LITAF: variants seen among roughly 807,000 people sequenced by gnomAD.
LITAF encodes lipopolysaccharide induced TNF factor.
Under a neutral mutation model 14.5 loss-of-function variants are expected in LITAF, and 9 were observed. The ratio of observed to expected loss-of-function variants is 0.62; its 90% CI spans 0.37 to 1.08. The LOEUF (loss-of-function observed/expected upper bound fraction) is 1.08. Among genes scored for constraint, LITAF ranks in the 50% least tolerant of loss-of-function variants. LITAF has a pLI of 0.01. For missense variants in LITAF, 206 were observed against 213.4 expected (o/e 0.97, Z 0.22); for synonymous variants, 98 against 88.2 (o/e 1.11, Z -0.62).
Position 11,608,161 on chromosome 16 carries a change from C to A in LITAF, c.85+25372G>T, listed in dbSNP as rs143781094. Among the ~76,000 whole-genome samples the A allele has an allele frequency of 5.6e-4, 86 of 152,326 alleles. 1 individual carries two copies. The highest frequency in any genetic ancestry group is 1.9e-3 in the African/African-American group (81 of 41,568). ...CACCCCCATGGGATCAGAATTAGATCCTTGCGTCACAGATAAACCCCACTG... is the reference window on the plus strand; with the variant it reads ...CACCCCCATGGGATCAGAATTAGATACTTGCGTCACAGATAAACCCCACTG... On this transcript the variant is annotated intron_variant, in intron 3 of 3. Coordinates refer to the LITAF transcript ENST00000574848.
chr16:11,575,099 G>T (rs893682867), intron 1 of LITAF, among the ~76,000 whole-genome samples: 1 of 152,034 alleles, frequency 6.6e-6, no homozygotes, highest in East Asian at 1.9e-4. Flanking sequence ...CACTGCACCC[G>T]GCCTAAAGTT....
chr16:11,549,996 T>C lies in LITAF; in HGVS notation c.378-251A>G, dbSNP rs961883193. On this transcript the variant is annotated intron_variant, in intron 3 of 3. Coordinates refer to ENST00000622633, the MANE Select transcript of LITAF (RefSeq NM_001136472.2). The surrounding 1 kb of genome is among the most constrained non-coding windows in gnomAD (Gnocchi z 4.6). ...GTGAAGACAGAGGCAGAAGCTGGAG[T>C]GATGAGGCCATAAGCCAAGGACACC... is the stretch of plus-strand genomic sequence containing the variant. 1.3e-5 allele frequency among the ~76,000 whole-genome samples: 2 copies of C among 151,242 alleles called. No individual in the cohort carries two copies. Among genetic ancestry groups the C allele is most frequent in the African/African-American group, 4.9e-5 (2 of 41,154 alleles).
At chr16:11,598,798 C>T (rs954417765), upstream of LITAF, among the ~76,000 whole-genome samples, 13 of 151,926 alleles carry the variant, frequency 8.6e-5, no homozygotes, top group African/African-American at 2.4e-4. Flanking sequence ...CAGCAGGCAC[C>T]GTGCCTCATT....
At chr16:11,556,815 T>C (rs1398408594) in intron 1 of LITAF, 80 bp from the exon 2 acceptor site, 2 of 1,241,708 alleles carry the variant, frequency 1.6e-6, no homozygotes, top group South Asian at 2.5e-5. Context: ...TTCAATTTTC[T>C]TTCTGGCAAA....
chr16:11,558,345 G>A lies in LITAF; in HGVS notation c.-5-1610C>T, dbSNP rs2064306688. The stretch of plus-strand genomic sequence containing the variant: ...AGCACTCTGTGGAGCCGAGGTGGCA[G>A]GATAGCCTGAGCCCAGGATCTCAAG... On this transcript the variant is annotated intron_variant, in intron 1 of 3. Coordinates refer to ENST00000622633, the MANE Select transcript of LITAF (RefSeq NM_001136472.2). The surrounding 1 kb of genome is among the most constrained non-coding windows in gnomAD (Gnocchi z 4.1). Among the ~76,000 whole-genome samples the A allele has an allele frequency of 6.6e-6, 1 of 152,182 alleles. No individual in the cohort carries two copies. The highest frequency in any genetic ancestry group is 2.1e-4 in the South Asian group (1 of 4,830).
upstream of LITAF, among the ~76,000 whole-genome samples, chr16:11,636,949 A>G (rs998051474): frequency 6.6e-6 from 1 of 151,226 alleles, no homozygotes; most frequent in Non-Finnish European, 1.5e-5. Flanking sequence ...AGCTCACTGC[A>G]GCCTCCGCCT....
At chr16:11,616,244 C>T (rs1373542646) in intron 3 of LITAF, among the ~76,000 whole-genome samples, 1 of 152,092 alleles carries the variant, frequency 6.6e-6, no homozygotes, top group Non-Finnish European at 1.5e-5. Context: ...GAGGCTGAAG[C>T]AGGCAGATCC....
intron 3 of LITAF, among the ~76,000 whole-genome samples, chr16:11,624,465 G>T (rs189462768): frequency 8.5e-4 from 130 of 152,262 alleles, no homozygotes; most frequent in Non-Finnish European, 7.4e-4. Flanking sequence ...ATGGAAATAG[G>T]TAGTTACTAT....
chr16:11,562,313 C>CAAAAAA (rs57317505), intron 1 of LITAF, among the ~76,000 whole-genome samples: 5 of 61,426 alleles, frequency 8.1e-5, no homozygotes, highest in South Asian at 6.4e-4. Flanking sequence ...GACTCCGTCT[C>CAAAAAA]AAAAAAAAAA....
At chr16:11,582,460 C>A (rs2064753024) in intron 1 of LITAF, among the ~76,000 whole-genome samples, 1 of 152,182 alleles carries the variant, frequency 6.6e-6, no homozygotes, top group South Asian at 2.1e-4. Context: ...AAGGGCAAGG[C>A]CTTCAGAAAG....
intron 3 of LITAF, among the ~76,000 whole-genome samples, chr16:11,626,042 T>C (rs1243625359): frequency 6.6e-6 from 1 of 152,184 alleles, no homozygotes; most frequent in African/African-American, 2.4e-5. Flanking sequence ...ATGCGCTTAG[T>C]AAATTTCTCA....
upstream of LITAF, among the ~76,000 whole-genome samples, chr16:11,637,594 C>G (rs1161222053): frequency 6.6e-6 from 1 of 152,236 alleles, no homozygotes; most frequent in African/African-American, 2.4e-5. Context: ...CGTGCACAAG[C>G]CTGCTATTCA....
At chr16:11,637,972 ATC>A (rs1288665702), upstream of LITAF, among the ~76,000 whole-genome samples, 89 of 45,184 alleles carry the variant, frequency 2.0e-3, 6 homozygotes, top group African/African-American at 0.014. Context: ...ATATCTATAT[ATC>A]TATATATATC....
At chr16:11,554,492 G>T (rs530918189) in intron 2 of LITAF, among the ~76,000 whole-genome samples, 1 of 152,136 alleles carries the variant, frequency 6.6e-6, no homozygotes, top group Non-Finnish European at 1.5e-5. Context: ...AGAATCAGAA[G>T]AGAATCCAGG....
rs1186971997 is a variant in LITAF, at chr16:11,632,512, C to T, written c.85+1021G>A. Among the ~76,000 whole-genome samples the T allele has an allele frequency of 6.6e-6, 1 of 152,256 alleles. No homozygotes were observed. Among genetic ancestry groups the T allele is most frequent in the Non-Finnish European group, 1.5e-5 (1 of 68,046 alleles). On this transcript the variant is annotated intron_variant, in intron 3 of 3. Coordinates refer to the LITAF transcript ENST00000574848. This position sits in a 1 kb window ranked among gnomAD's most constrained non-coding sequence, Gnocchi z 4.8. ...CCCGCAGGTCCCAGCTCAGAACTAA[C>T]AGCTACCCCTGACTCTGCGGGCCCA...
intron 1 of LITAF, among the ~76,000 whole-genome samples, chr16:11,557,932 T>G (rs550233968): frequency 1.8e-4 from 28 of 152,300 alleles, no homozygotes; most frequent in Non-Finnish European, 2.6e-4. Flanking sequence ...TGTGCTCCTG[T>G]CTGATGTTCC....
chr16:11,638,281 G>A (rs1034411389), upstream of LITAF, among the ~76,000 whole-genome samples: 4 of 151,494 alleles, frequency 2.6e-5, no homozygotes, highest in African/African-American at 9.7e-5. Context: ...GATTAAATGA[G>A]ATAATGCACA....
Position 11,549,553 on chromosome 16 carries a change from C to A in LITAF, c.*84G>T. On this transcript the variant is annotated 3_prime_UTR_variant, in exon 4 of 4. Coordinates refer to ENST00000622633, the MANE Select transcript of LITAF (RefSeq NM_001136472.2). This position sits in a 1 kb window ranked among gnomAD's most constrained non-coding sequence, Gnocchi z 4.6. The stretch of plus-strand genomic sequence containing the variant: ...CCCTGGAGAGGTGAGACCACCAGGG[C>A]AGAACCTCCACCAGGCGTGAAGCTG... The A allele has an allele frequency of 1.9e-6, 2 of 1,033,178 alleles. No individual in the cohort carries two copies. The highest frequency in any genetic ancestry group is 2.0e-4 in the Middle Eastern group (1 of 5,020). 64.0% of individuals were successfully genotyped at this position (1,033,178 alleles called of 1,614,324 possible).
At chr16:11,631,942 C>T (rs1039037094) in intron 3 of LITAF, among the ~76,000 whole-genome samples, 12 of 151,754 alleles carry the variant, frequency 7.9e-5, no homozygotes, top group African/African-American at 2.9e-4. Context: ...CTCTGCCTCC[C>T]TGCAATCTCT....
Sources: gnomAD v4.1 joint callset for allele counts (sites outside exome capture counted in the v4.1 genomes callset) on GRCh38, gnomAD v4.1.1 for gene constraint, Gnocchi (gnomAD v3.1) non-coding constraint, MANE v1.5 for transcripts, NCBI Gene and HGNC (gene_info 2026-07-23, HGNC 2026-07-21) for gene names.